The following ALMS1 variants were observed in gnomAD, a reference collection of about 807,000 sequenced individuals.
ALMS1 encodes the protein centrosome-associated protein ALMS1.
ALMS1 carries 271 observed loss-of-function variants against 352.2 expected under a neutral mutation model. The ratio of observed to expected loss-of-function variants is 0.77; its 90% CI spans 0.70 to 0.85. The LOEUF is 0.85. ALMS1 is among the 40% of genes least tolerant of loss of function. The pLI, the probability that ALMS1 is intolerant of heterozygous loss-of-function variation, is 0.00. For missense variants in ALMS1, 5,445 were observed against 4,870.7 expected (o/e 1.12, Z -3.51); for synonymous variants, 1,865 against 1,761.2 (o/e 1.06, Z -1.48).
At chr2:73,510,798 C>T (rs372028089) in intron 10 of ALMS1, among the ~76,000 whole-genome samples, 1 of 152,306 alleles carries the variant, frequency 6.6e-6, no homozygotes, top group East Asian at 1.9e-4. Context: ...TTTAAGTCTG[C>T]TGAAGCTGTG....
chr2:73,444,121 G>T (rs1267464859), intron 7 of ALMS1, among the ~76,000 whole-genome samples: 1 of 152,108 alleles, frequency 6.6e-6, no homozygotes, highest in Non-Finnish European at 1.5e-5. Context: ...CCTTGAAGAT[G>T]CAAGTTACTC....
rs543336141 is a variant in ALMS1 at position 73,491,572 on chromosome 2, C to T, written c.9539+74C>T. 37 of 1,514,058 alleles carry T rather than the reference C, an allele frequency of 2.4e-5. 1 individual carries two copies. The Middle Eastern group carries it at 5.1e-4, about 21-fold the overall frequency. 93.8% of individuals were successfully genotyped at this position (1,514,058 alleles called of 1,614,324 possible). On this transcript the variant is annotated intron_variant, in intron 10 of 22. Coordinates refer to ENST00000613296, the MANE Select transcript of ALMS1 (RefSeq NM_001378454.1). ...GGGTTTCAAATACTTAAGTAGATAT[C>T]GGTTCTTGGGGGAAAGGCCGTGTGA...
At chr2:73,510,041 TCTCATGCTGTGTTTTTCAG>T (rs1673417024) in intron 10 of ALMS1, among the ~76,000 whole-genome samples, 1 of 152,214 alleles carries the variant, frequency 6.6e-6, no homozygotes, top group African/African-American at 2.4e-5. Context: ...TTCTCGAATT[TCTCATGCTGTGTTTTTCAG>T]CTCCAGCAGG....
chr2:73,544,984 C>G (rs961783748), intron 12 of ALMS1, among the ~76,000 whole-genome samples: 1 of 152,004 alleles, frequency 6.6e-6, no homozygotes, highest in African/African-American at 2.4e-5. Context: ...AAGTCAGATT[C>G]ATGGAGACAC....
intron 15 of ALMS1, among the ~76,000 whole-genome samples, chr2:73,567,934 C>A (rs1674836460): frequency 6.6e-6 from 1 of 151,946 alleles, no homozygotes; most frequent in Admixed American, 6.6e-5. Flanking sequence ...AATGCAAAAT[C>A]AATTTATAAA....
rs553067740 is a variant in ALMS1 at position 73,433,760 on chromosome 2, GT to G, written c.1432+1474del. On this transcript the variant is annotated intron_variant, in intron 7 of 22. Coordinates refer to ENST00000613296, the MANE Select transcript of ALMS1 (RefSeq NM_001378454.1). ...CTACCTGGGCTGTTCTTTGTAGGAA[GT>G]TTTTAAATTGCTAATTTCATCTCTT... Among the ~76,000 whole-genome samples, 22 of 152,218 alleles carry G rather than the reference GT, an allele frequency of 1.4e-4. No individual in the cohort carries two copies. The South Asian group carries it at 4.6e-3, about 32-fold the overall frequency.
chr2:73,451,535 A>C lies in ALMS1; in HGVS notation c.5008A>C (p.Lys1670Gln). Reference sequence around the variant, plus strand: ...TTCTACTAGCTACTCAAATAGGGGGAAGCCTGTCATTTTCTACCAGCAGAC... The same window carrying C: ...TTCTACTAGCTACTCAAATAGGGGGCAGCCTGTCATTTTCTACCAGCAGAC... ...VHSTSYSNRGKPVIFYQQTLS... is the reference protein window; with the variant it reads ...VHSTSYSNRGQPVIFYQQTLS... Residue 1670 changes from lysine (K) to glutamine (Q), a missense_variant, in exon 8 of 23, where the codon AAG (lysine) becomes CAG (glutamine). Transcript: ENST00000613296. 6.2e-7 allele frequency: 1 copy of C among 1,613,688 alleles called. No individual in the cohort carries two copies. The highest frequency in any genetic ancestry group is 8.5e-7 in the Non-Finnish European group (1 of 1,179,900).
At position 73,489,628 on chromosome 2, in the gene ALMS1, T is replaced by A. The variant is rs779430195; in HGVS notation, c.7675-6T>A. ...AAATAAGAACCTGTTTGTTTGTATC[T>A]TCTAGGGTTTACAGAGTCCACGGGG... On this transcript the variant is annotated splice_region_variant and splice_polypyrimidine_tract_variant and intron_variant, in intron 9 of 22. Coordinates refer to ENST00000613296, the MANE Select transcript of ALMS1 (RefSeq NM_001378454.1). The A allele has an allele frequency of 6.2e-7, 1 of 1,614,052 alleles. No homozygotes were observed. The highest frequency in any genetic ancestry group is 2.2e-5 in the East Asian group (1 of 44,904).
At chr2:73,536,618 T>G (rs917419622) in intron 12 of ALMS1, among the ~76,000 whole-genome samples, 8 of 152,204 alleles carry the variant, frequency 5.3e-5, no homozygotes, top group African/African-American at 1.7e-4. Flanking sequence ...TATGAATATG[T>G]TGTACATCTA....
intron 10 of ALMS1, among the ~76,000 whole-genome samples, chr2:73,496,758 A>G (rs1379860763): frequency 1.3e-5 from 2 of 152,188 alleles, no homozygotes; most frequent in African/African-American, 2.4e-5. Flanking sequence ...TTGTCAATAT[A>G]TTTTAGCCAT....
At position 73,572,805 on chromosome 2, in the gene ALMS1, C is replaced by A. The variant is rs867845702; in HGVS notation, c.10928C>A (p.Ser3643Tyr). 5.0e-6 allele frequency: 8 copies of A among 1,613,954 alleles called. No individual in the cohort carries two copies. Among genetic ancestry groups the A allele is most frequent in the Middle Eastern group, 1.6e-4 (1 of 6,084 alleles). Residue 3643 changes from serine to tyrosine, a missense_variant, in exon 16 of 23, where the codon TCT becomes TAT. Coordinates refer to ENST00000613296, the MANE Select transcript of ALMS1 (RefSeq NM_001378454.1). Reference sequence around the variant, plus strand: ...ATTCTTCAGAATCCAATCACACATTCTCTCCAGGTCTCAGAAAGTACACAT... The same window carrying A: ...ATTCTTCAGAATCCAATCACACATTATCTCCAGGTCTCAGAAAGTACACAT... Reference protein sequence around the residue: ...AKILQNPITHSLQVSESTHDD... With the variant: ...AKILQNPITHYLQVSESTHDD...
chr2:73,514,703 T>C (rs1673521885), intron 10 of ALMS1, among the ~76,000 whole-genome samples: 1 of 152,230 alleles, frequency 6.6e-6, no homozygotes, highest in East Asian at 1.9e-4. Flanking sequence ...GTTGGATCAT[T>C]TTCCTTCAGC....
chr2:73,544,868 A>G (rs1001394146), intron 12 of ALMS1, among the ~76,000 whole-genome samples: 5 of 152,228 alleles, frequency 3.3e-5, no homozygotes, highest in African/African-American at 9.6e-5. Flanking sequence ...AGTATTATTC[A>G]GCCTTAAAGA....
At chr2:73,551,181 A>T (rs965322073) in intron 13 of ALMS1, among the ~76,000 whole-genome samples, 9 of 152,044 alleles carry the variant, frequency 5.9e-5, no homozygotes, top group African/African-American at 1.9e-4. Context: ...TAAAATTTTT[A>T]AAATTTTCCA....
intron 1 of ALMS1, among the ~76,000 whole-genome samples, chr2:73,406,139 T>C (rs1174563044): frequency 6.6e-6 from 1 of 152,186 alleles, no homozygotes; most frequent in Admixed American, 6.5e-5. Flanking sequence ...TTTGGAGAGC[T>C]CCCTTCAATT....
At position 73,543,122 on chromosome 2, in the gene ALMS1, A is replaced by C. The variant is rs547027297; in HGVS notation, c.9908-7145A>C. Among the ~76,000 whole-genome samples the C allele has an allele frequency of 4.6e-5, 7 of 152,326 alleles. No individual in the cohort carries two copies. The East Asian group carries it at 9.6e-4, about 21-fold the overall frequency. ...GCTACCTGACTTCAAACTATACTACAAGGCTACAGTAACCAAAACAGCATG... is the reference window on the plus strand; with the variant it reads ...GCTACCTGACTTCAAACTATACTACCAGGCTACAGTAACCAAAACAGCATG... On this transcript the variant is annotated intron_variant, in intron 12 of 22. Transcript: ENST00000613296.
At chr2:73,598,331 C>T (rs1398758198) in intron 16 of ALMS1, among the ~76,000 whole-genome samples, 1 of 152,162 alleles carries the variant, frequency 6.6e-6, no homozygotes, top group African/African-American at 2.4e-5. Context: ...CTGAGCCTGG[C>T]TTAAATCTGC....
At chr2:73,489,228 C>A (rs571646289) in intron 9 of ALMS1, among the ~76,000 whole-genome samples, 1 of 152,252 alleles carries the variant, frequency 6.6e-6, no homozygotes, top group East Asian at 1.9e-4. Flanking sequence ...CATTCATATC[C>A]CATTGGTGTC....
rs1671514037 is a variant in ALMS1, at chr2:73,432,233, C to G, written c.1374C>G (p.Leu458=). ...AGTCGGAATATCACTCTTCAGATCTCAGAATGTTGAGGATGTCTCCTGACA... is the reference window on the plus strand; with the variant it reads ...AGTCGGAATATCACTCTTCAGATCTGAGAATGTTGAGGATGTCTCCTGACA... ...TRESEYHSSD[L]RMLRMSPDTV... Residue 458 remains leucine, a synonymous_variant, in exon 7 of 23, where the codon CTC becomes CTG. Transcript: ENST00000613296. 6.2e-7 allele frequency: 1 copy of G among 1,613,498 alleles called. No homozygotes were observed. The highest frequency in any genetic ancestry group is 1.3e-5 in the African/African-American group (1 of 74,916).
Sources: gnomAD v4.1 joint callset for allele counts (sites outside exome capture counted in the v4.1 genomes callset) on GRCh38, gnomAD v4.1.1 for gene constraint, MANE v1.5 for transcripts, NCBI Gene and HGNC (gene_info 2026-07-23, HGNC 2026-07-21) for gene names.